MYBPC1: variants seen among roughly 807,000 people sequenced by gnomAD.
The protein encoded by MYBPC1 is myosin-binding protein C, slow-type.
In MYBPC1, 52 loss-of-function variants were observed where a neutral mutation model predicts 147.1. The observed-to-expected ratio is 0.35, with a 90% CI of 0.28 to 0.45. The LOEUF is 0.45. MYBPC1 is among the 20% of genes least tolerant of loss of function. MYBPC1 has a pLI of 1.00. For missense variants in MYBPC1, 1,228 were observed against 1,440.3 expected (o/e 0.85, Z 2.39); for synonymous variants, 477 against 475.9 (o/e 1.00, Z -0.03).
chr12:101,616,493 A>C (rs1886104961), intron 2 of MYBPC1, among the ~76,000 whole-genome samples: 1 of 152,204 alleles, frequency 6.6e-6, no homozygotes, highest in African/African-American at 2.4e-5. Flanking sequence ...TAGTTAACTG[A>C]GATTTGAATC....
At chr12:101,683,263 C>G (rs1951136081) in intron 30 of MYBPC1, among the ~76,000 whole-genome samples, 1 of 151,954 alleles carries the variant, frequency 6.6e-6, no homozygotes, top group African/African-American at 2.4e-5. Flanking sequence ...ACTCCCATCT[C>G]TACAAAAAGT....
chr12:101,673,342 A>T, intron 24 of MYBPC1, 85 bp from the exon 25 acceptor site: 1 of 1,418,690 alleles, frequency 7.0e-7, no homozygotes, highest in Non-Finnish European at 9.9e-7. Context: ...AGAATGGGTT[A>T]AGCCACTGTC....
At chr12:101,666,463 A>G in intron 22 of MYBPC1, 1 of 407,816 alleles carries the variant, frequency 2.5e-6, no homozygotes. Flanking sequence ...CCACCACTGG[A>G]GGTGTCCCAG....
chr12:101,695,396 G>A, the MYBPC1 span, among the ~76,000 whole-genome samples: 2 of 152,172 alleles, frequency 1.3e-5, no homozygotes, highest in Non-Finnish European at 1.5e-5. Context: ...ATTTCATCAC[G>A]CTACTCAGAA....
At chr12:101,671,289 T>G (rs538872297) in intron 24 of MYBPC1, among the ~76,000 whole-genome samples, 1 of 150,808 alleles carries the variant, frequency 6.6e-6, no homozygotes, top group Admixed American at 6.6e-5. Context: ...TGTAGGTCTC[T>G]ACACACATTT....
At chr12:101,666,374 C>T (rs1473174707) in intron 22 of MYBPC1, 8 of 293,756 alleles carry the variant, frequency 2.7e-5, no homozygotes, top group African/African-American at 8.7e-5. Flanking sequence ...TCTCACTGTG[C>T]GCTGCTCCCC....
downstream of MYBPC1, among the ~76,000 whole-genome samples, chr12:101,687,202 G>A (rs2005917): frequency 3.4e-4 from 51 of 151,702 alleles, no homozygotes; most frequent in Admixed American, 1.9e-3. Context: ...TAGGTATATC[G>A]CCTAATGCTA....
chr12:101,607,278 A>G (rs1593625532), intron 1 of MYBPC1, among the ~76,000 whole-genome samples: 1 of 152,168 alleles, frequency 6.6e-6, no homozygotes, highest in African/African-American at 2.4e-5. Flanking sequence ...CCCCACCATC[A>G]AGAGGGGAGA....
intron 1 of MYBPC1, among the ~76,000 whole-genome samples, chr12:101,597,267 C>A (rs181466554): frequency 2.0e-4 from 30 of 152,280 alleles, no homozygotes; most frequent in Non-Finnish European, 2.2e-4. Context: ...TGCAGAAACC[C>A]TCCCAAAGAA....
At position 101,646,768 on chromosome 12, in the gene MYBPC1, T is replaced by C. The variant is rs539597336; in HGVS notation, c.971T>C (p.Ile324Thr). 3.1e-6 allele frequency: 5 copies of C among 1,612,916 alleles called. No homozygotes were observed. Among genetic ancestry groups the C allele is most frequent in the Admixed American group, 1.7e-5 (1 of 60,034 alleles). Residue 324 changes from isoleucine (I) to threonine (T), a missense_variant, in exon 13 of 32, where the codon ATC becomes ACC. Physicochemically the swap from Ile to Thr is moderately conservative, Grantham distance 89 (BLOSUM62 -1). Around this residue, in one of 2 missense-constraint regions of MYBPC1, gnomAD observed 1,077 missense variants for 1,314.2 expected, o/e 0.82. Coordinates refer to ENST00000361466, the MANE Select transcript of MYBPC1 (RefSeq NM_002465.4). ...GQEIRPSTKY[I>T]FEHKGCQRIL... ...TTTCATCCTATTCAAAACAGATACA[T>C]CTTTGAACACAAAGGATGCCAGAGA...
At chr12:101,625,092 G>A (rs1021337156) in intron 3 of MYBPC1, among the ~76,000 whole-genome samples, 1 of 151,850 alleles carries the variant, frequency 6.6e-6, no homozygotes, top group African/African-American at 2.4e-5. Flanking sequence ...AATCGGGGCT[G>A]TTAAGTCTGA....
At chr12:101,633,251 G>A (rs112618106) in intron 8 of MYBPC1, among the ~76,000 whole-genome samples, 1 of 152,196 alleles carries the variant, frequency 6.6e-6, no homozygotes, top group Admixed American at 6.5e-5. Context: ...GTGGGTGAAG[G>A]AAGTCAGGCA....
At chr12:101,627,573 A>G (rs2135999245) in intron 4 of MYBPC1, among the ~76,000 whole-genome samples, 196 bp from the exon 5 acceptor site, 1 of 152,272 alleles carries the variant, frequency 6.6e-6, no homozygotes, top group Middle Eastern at 3.4e-3. Flanking sequence ...TCATTTTAAA[A>G]TAAGACACAC....
At chr12:101,636,988 A>C in intron 10 of MYBPC1, 2 of 184,756 alleles carry the variant, frequency 1.1e-5, no homozygotes, top group South Asian at 1.0e-4. Flanking sequence ...AATGGGGACG[A>C]AGAGATATGA....
chr12:101,607,468 C>T (rs571150321), intron 1 of MYBPC1, among the ~76,000 whole-genome samples: 2 of 152,096 alleles, frequency 1.3e-5, no homozygotes, highest in East Asian at 1.9e-4. Context: ...GAATAAGAAA[C>T]GATAATCAGG....
chr12:101,687,166 T>G (rs79953763), downstream of MYBPC1, among the ~76,000 whole-genome samples: 12,367 of 152,132 alleles, frequency 0.081, 772 homozygotes, highest in East Asian at 0.32. Flanking sequence ...GTTGGTGTGC[T>G]GCACCCATTA....
intron 10 of MYBPC1, among the ~76,000 whole-genome samples, chr12:101,639,209 T>C (rs1030985003): frequency 3.3e-5 from 5 of 152,228 alleles, no homozygotes; most frequent in African/African-American, 1.2e-4. Context: ...TCTATAACTG[T>C]TATACTCTTC....
chr12:101,694,729 T>C, the MYBPC1 span, among the ~76,000 whole-genome samples: 77,706 of 151,070 alleles, frequency 0.51, 20,901 homozygotes, highest in Admixed American at 0.6. Flanking sequence ...GGTATTTTAT[T>C]ATGACAATCC....
At chr12:101,692,226 T>C in the MYBPC1 span, among the ~76,000 whole-genome samples, 2 of 152,164 alleles carry the variant, frequency 1.3e-5, no homozygotes, top group Non-Finnish European at 2.9e-5. Flanking sequence ...AGTTGGACTT[T>C]ATCAAAGGCT....
Sources: allele counts gnomAD v4.1 joint callset (sites outside exome capture counted in the v4.1 genomes callset), GRCh38; gene constraint gnomAD v4.1.1; regional missense constraint gnomAD v4.1.1; transcripts MANE v1.5; gene names NCBI Gene and HGNC (gene_info 2026-07-23, HGNC 2026-07-21).